The following MEIKIN variants were observed in gnomAD, a reference collection of about 807,000 sequenced individuals.
The protein encoded by MEIKIN is meiosis-specific kinetochore protein.
At chr5:131,851,460 T>G in intron 10 of MEIKIN, 77 bp from the exon 11 acceptor site, 1 of 392,826 alleles carries the variant, frequency 2.5e-6, no homozygotes, top group Non-Finnish European at 4.5e-6. Flanking sequence ...TAAAGAAAAG[T>G]TGAAAAATAC....
chr5:131,942,501 T>C (rs1751888893), intron 4 of MEIKIN, 134 bp downstream of exon 4: 1 of 386,774 alleles, frequency 2.6e-6, no homozygotes, highest in Non-Finnish European at 4.6e-6. Flanking sequence ...TATAGCACAG[T>C]CAGAAGGATT....
Position 131,843,973 on chromosome 5 carries a change from G to A in MEIKIN, c.975+7291C>T, listed in dbSNP as rs563441247. 6.6e-5 allele frequency among the ~76,000 whole-genome samples: 10 copies of A among 152,312 alleles called. No homozygotes were observed. The East Asian group carries it at 1.7e-3, about 26-fold the overall frequency. ...AGAGAAGAGGTTTAATTGACTCACA[G>A]TTCCACAGGCTGTACAGGAGTTATG... On this transcript the variant is annotated intron_variant, in intron 11 of 12. Transcript: ENST00000442687.
rs146811635 is a variant in MEIKIN, at chr5:131,924,265, G to C, written c.479-2324C>G. On this transcript the variant is annotated intron_variant, in intron 5 of 12. Coordinates refer to ENST00000442687, the MANE Select transcript of MEIKIN (RefSeq NM_001303622.2). Reference sequence around the variant, plus strand: ...AGGTTTTTTCCACCTCTCGGCTACTGTGAATAATGCTGCAATGAATAAGGG... The same window carrying C: ...AGGTTTTTTCCACCTCTCGGCTACTCTGAATAATGCTGCAATGAATAAGGG... Among the ~76,000 whole-genome samples the C allele has an allele frequency of 6.0e-3, 910 of 152,162 alleles. 4 individuals are homozygous for C. The highest frequency in any genetic ancestry group is 0.021 in the African/African-American group (872 of 41,498).
At chr5:131,873,269 A>T (rs1750541657) in intron 9 of MEIKIN, among the ~76,000 whole-genome samples, 1 of 152,144 alleles carries the variant, frequency 6.6e-6, no homozygotes, top group African/African-American at 2.4e-5. Flanking sequence ...ACATGCAGAG[A>T]CACACATAGG....
intron 4 of MEIKIN, among the ~76,000 whole-genome samples, chr5:131,941,509 T>C (rs1249069823): frequency 6.6e-6 from 1 of 152,104 alleles, no homozygotes; most frequent in Non-Finnish European, 1.5e-5. Flanking sequence ...GGGTTTAGAG[T>C]ATTTCCAGGC....
chr5:131,939,041 C>T (rs1376153352), intron 4 of MEIKIN, among the ~76,000 whole-genome samples: 2 of 152,108 alleles, frequency 1.3e-5, no homozygotes, highest in Non-Finnish European at 2.9e-5. Flanking sequence ...TGCCTGAGTG[C>T]ATAAGGGGTC....
chr5:131,944,222 A>G (rs1297782770), intron 3 of MEIKIN, among the ~76,000 whole-genome samples: 1 of 152,220 alleles, frequency 6.6e-6, no homozygotes. Flanking sequence ...ACAACTTTAA[A>G]ATATAGTACA....
chr5:131,816,354 A>G (rs1178148734), intron 12 of MEIKIN, among the ~76,000 whole-genome samples: 1 of 152,246 alleles, frequency 6.6e-6, no homozygotes, highest in Admixed American at 6.5e-5. Flanking sequence ...AATATCTACA[A>G]TAAACTTTAT....
intron 8 of MEIKIN, among the ~76,000 whole-genome samples, chr5:131,896,450 C>G (rs1751053056): frequency 6.6e-6 from 1 of 152,188 alleles, no homozygotes; most frequent in Non-Finnish European, 1.5e-5. Context: ...TGTTAACCTT[C>G]TGTCTCACTG....
Position 131,828,594 on chromosome 5 carries a change from C to T in MEIKIN, c.976-9731G>A, listed in dbSNP as rs765034752. On this transcript the variant is annotated intron_variant, in intron 11 of 12. Coordinates refer to ENST00000442687, the MANE Select transcript of MEIKIN (RefSeq NM_001303622.2). The stretch of plus-strand genomic sequence containing the variant: ...AAGCCCAATCTCCATATAACAGATG[C>T]TCAAAAAAAGAAAGAAGTAGAGATT... 9.9e-4 allele frequency among the ~76,000 whole-genome samples: 150 copies of T among 151,986 alleles called. 1 individual carries two copies. The highest frequency in any genetic ancestry group is 3.2e-4 in the Non-Finnish European group (22 of 67,986).
chr5:131,925,773 A>G (rs1292801510), intron 5 of MEIKIN, among the ~76,000 whole-genome samples: 3 of 151,964 alleles, frequency 2.0e-5, no homozygotes, highest in African/African-American at 7.3e-5. Flanking sequence ...GGTTAAAGTG[A>G]TTCTCCTGCC....
chr5:131,867,369 A>G (rs1346299911), intron 9 of MEIKIN, among the ~76,000 whole-genome samples: 2 of 152,144 alleles, frequency 1.3e-5, no homozygotes, highest in African/African-American at 4.8e-5. Context: ...ACACTGACAC[A>G]TCATTATCTC....
intron 6 of MEIKIN, among the ~76,000 whole-genome samples, chr5:131,919,351 T>G (rs192747649): frequency 7.2e-5 from 11 of 152,324 alleles, no homozygotes; most frequent in African/African-American, 2.2e-4. Flanking sequence ...GCACTTACCT[T>G]TTGACCCAGC....
chr5:131,919,177 C>G (rs1751465159), intron 6 of MEIKIN, among the ~76,000 whole-genome samples: 1 of 151,944 alleles, frequency 6.6e-6, no homozygotes, highest in Admixed American at 6.6e-5. Flanking sequence ...ACAGAGATAC[C>G]ATTTGTCACC....
chr5:131,872,672 G>C (rs1750527453), intron 9 of MEIKIN, among the ~76,000 whole-genome samples: 1 of 152,150 alleles, frequency 6.6e-6, no homozygotes, highest in African/African-American at 2.4e-5. Context: ...TCCTCGAGAA[G>C]AGCAACTCCA....
chr5:131,829,805 A>G (rs918288862), intron 11 of MEIKIN, among the ~76,000 whole-genome samples: 4 of 152,166 alleles, frequency 2.6e-5, no homozygotes, highest in Admixed American at 1.3e-4. Flanking sequence ...TGCTGCCACA[A>G]GACAAGAAAT....
At chr5:131,893,647 T>C (rs749112641) in intron 8 of MEIKIN, among the ~76,000 whole-genome samples, 2 of 152,148 alleles carry the variant, frequency 1.3e-5, no homozygotes, top group Admixed American at 1.3e-4. Flanking sequence ...GGTACCTCAA[T>C]TGGAAATGGA....
intron 12 of MEIKIN, among the ~76,000 whole-genome samples, chr5:131,817,435 C>A (rs760551055): frequency 6.6e-6 from 1 of 151,932 alleles, no homozygotes; most frequent in African/African-American, 2.4e-5. Context: ...CACGATGAAA[C>A]CCCATCTCTA....
intron 9 of MEIKIN, among the ~76,000 whole-genome samples, chr5:131,876,164 G>C (rs1010455333): frequency 6.6e-6 from 1 of 152,142 alleles, no homozygotes; most frequent in African/African-American, 2.4e-5. Context: ...TTAAACTAAA[G>C]AGATTCGGCA....
Sources: allele counts gnomAD v4.1 joint callset (sites outside exome capture counted in the v4.1 genomes callset), GRCh38; gene constraint gnomAD v4.1.1; transcripts MANE v1.5; gene names NCBI Gene and HGNC (gene_info 2026-07-23, HGNC 2026-07-21).